GON4L: variants seen among roughly 807,000 people sequenced by gnomAD.
GON4L encodes the protein gon-4 like, also known as GON-4-like protein.
A neutral mutation model predicts 211.8 loss-of-function variants in GON4L; 87 were observed. That is an observed-to-expected ratio of 0.41 (90% CI 0.35 to 0.49). GON4L has a LOEUF of 0.49. Ranked by LOEUF, GON4L falls within the 20% of genes least tolerant of loss-of-function variation. The pLI, the probability that GON4L is intolerant of heterozygous loss-of-function variation, is 0.15. For missense variants in GON4L, 2,155 were observed against 2,659.5 expected (o/e 0.81, Z 4.17); for synonymous variants, 875 against 962.6 (o/e 0.91, Z 1.68).
intron 2 of GON4L, among the ~76,000 whole-genome samples, chr1:155,844,623 T>G (rs1452564025): frequency 3.3e-5 from 5 of 152,056 alleles, no homozygotes; most frequent in African/African-American, 9.7e-5. Flanking sequence ...TGGGTGTTGC[T>G]GGCAAACACA....
chr1:155,813,862 CA>C, intron 9 of GON4L, 58 bp from the exon 10 acceptor site: 2 of 1,447,780 alleles, frequency 1.4e-6, no homozygotes. Context: ...AAAGAGAAAG[CA>C]AAAAAAGGAA....
intron 2 of GON4L, among the ~76,000 whole-genome samples, chr1:155,852,561 G>A (rs923498506): frequency 1.3e-5 from 2 of 151,936 alleles, no homozygotes; most frequent in African/African-American, 4.8e-5. Flanking sequence ...CTAACACAGT[G>A]AAACCCCGCC....
chr1:155,838,994 T>C (rs1285997597), intron 2 of GON4L, among the ~76,000 whole-genome samples: 1 of 152,010 alleles, frequency 6.6e-6, no homozygotes, highest in Non-Finnish European at 1.5e-5. Context: ...TTCTCATCTA[T>C]AAAATGCTAA....
chr1:155,838,661 T>G (rs1194751292), intron 2 of GON4L, among the ~76,000 whole-genome samples: 2 of 151,790 alleles, frequency 1.3e-5, no homozygotes, highest in African/African-American at 4.8e-5. Flanking sequence ...TCCCAGCTAC[T>G]TGGGAGGCTG....
chr1:155,836,470 G>C (rs192768446), intron 2 of GON4L, among the ~76,000 whole-genome samples: 1 of 152,230 alleles, frequency 6.6e-6, no homozygotes, highest in African/African-American at 2.4e-5. Flanking sequence ...GGTTGGTCTT[G>C]AACTCCTGAC....
Position 155,756,973 on chromosome 1 carries a change from G to C in GON4L, c.5502C>G (p.Val1834=). ...SKNKRKKEIG[V]QNHDKETEWP... The stretch of plus-strand genomic sequence containing the variant: ...AAGAAAATACCTTATCATGATTTTG[G>C]ACCCCGATCTCTTTTTTCCTCTTGT... Residue 1834 remains valine, a synonymous_variant, in exon 27 of 32, where the codon GTC becomes GTG. Transcript: ENST00000368331. 1 of 1,612,352 alleles carries C rather than the reference G, an allele frequency of 6.2e-7. No homozygotes were observed. The highest frequency in any genetic ancestry group is 1.1e-5 in the South Asian group (1 of 91,040).
At chr1:155,813,504 A>C in intron 10 of GON4L, 130 bp downstream of exon 10, 1 of 753,616 alleles carries the variant, frequency 1.3e-6, no homozygotes, top group South Asian at 1.5e-5. Flanking sequence ...CACTAGCCAA[A>C]TACAAAGTAT....
Position 155,853,325 on chromosome 1 carries a change from T to TA in GON4L, c.455dup (p.Glu154GlyfsTer8). On this transcript the variant is annotated frameshift_variant, in exon 2 of 32. Transcript: ENST00000368331. LOFTEE classifies it high-confidence loss of function. The stretch of plus-strand genomic sequence containing the variant: ...TAGGCTCTCCTGAAAAAGGCTCCTT[T>TA]AGGGTAAGATGATCACATCTGTCTT... 1 of 1,614,134 alleles carries TA rather than the reference T, an allele frequency of 6.2e-7. No individual in the cohort carries two copies. Among genetic ancestry groups the TA allele is most frequent in the Non-Finnish European group, 8.5e-7 (1 of 1,179,974 alleles).
rs750591385 is a variant in GON4L, at chr1:155,752,159, A to C, written c.6274T>G (p.Cys2092Gly). 6.8e-6 allele frequency: 11 copies of C among 1,612,436 alleles called. No homozygotes were observed. Among genetic ancestry groups the C allele is most frequent in the Non-Finnish European group, 9.3e-6 (11 of 1,178,624 alleles). Residue 2092 changes from cysteine (C) to glycine (G), a missense_variant, in exon 30 of 32, where the codon TGC becomes GGC. Coordinates refer to ENST00000368331, the MANE Select transcript of GON4L (RefSeq NM_001282860.2). ...RARVKTRDRTCPVHESPSGID... is the reference protein window; with the variant it reads ...RARVKTRDRTGPVHESPSGID... Reference sequence around the variant, plus strand: ...CCTGATGGAGATTCATGGACAGGGCACGTCCTGTCTCTTGTCTTCACCCGA... The same window carrying C: ...CCTGATGGAGATTCATGGACAGGGCCCGTCCTGTCTCTTGTCTTCACCCGA...
chr1:155,793,261 G>A (rs962593751), intron 12 of GON4L, among the ~76,000 whole-genome samples: 3 of 152,124 alleles, frequency 2.0e-5, no homozygotes, highest in African/African-American at 4.8e-5. Context: ...ATAAATGAAA[G>A]ATCTTCACAA....
chr1:155,856,412 T>C (rs1239233081), intron 1 of GON4L, among the ~76,000 whole-genome samples: 1 of 151,704 alleles, frequency 6.6e-6, no homozygotes. Context: ...TCTTTTTTTT[T>C]TTTTGTAGAG....
chr1:155,777,676 C>T lies in GON4L; in HGVS notation c.2037G>A (p.Gln679=). Residue 679 remains glutamine (Q), a synonymous_variant, in exon 15 of 32, where the codon CAG becomes CAA. Transcript: ENST00000368331. ...TCTGTGCTGGGTCCAGAATCAGAGT[C>T]TGATGAACTTTCTCACTCTGGGGTT... ...KVKPQSEKVH[Q]TLILDPAQRK... is the part of the protein sequence containing the mutation. The T allele has an allele frequency of 6.2e-7, 1 of 1,613,800 alleles. No individual in the cohort carries two copies.
chr1:155,849,577 C>T (rs1329066374), intron 2 of GON4L, among the ~76,000 whole-genome samples: 1 of 148,256 alleles, frequency 6.7e-6, no homozygotes, highest in Non-Finnish European at 1.5e-5. Context: ...AGTTCAAAAC[C>T]AGCCTGACCA....
chr1:155,858,266 T>C (rs1006829700), upstream of GON4L, among the ~76,000 whole-genome samples: 2 of 152,096 alleles, frequency 1.3e-5, no homozygotes, highest in Non-Finnish European at 2.9e-5. Flanking sequence ...ATTAAAAAAA[T>C]AATAAAAAAC....
At chr1:155,755,861 T>A (rs944458603) in intron 27 of GON4L, among the ~76,000 whole-genome samples, 5 of 151,864 alleles carry the variant, frequency 3.3e-5, no homozygotes, top group Non-Finnish European at 7.4e-5. Flanking sequence ...CATCCCAATT[T>A]ATGATGAAGA....
Position 155,755,399 on chromosome 1 carries a change from T to C in GON4L, c.5518-911A>G, listed in dbSNP as rs749519853. On this transcript the variant is annotated intron_variant, in intron 27 of 31. Transcript: ENST00000368331. The stretch of plus-strand genomic sequence containing the variant: ...CTAATTTTTGTATTTTTAGTAGAGA[T>C]AGGAATTCGCAATGTTACTCTGGCT... Among the ~76,000 whole-genome samples the C allele has an allele frequency of 9.9e-5, 15 of 152,062 alleles. No homozygotes were observed. In the East Asian group the frequency reaches 1.6e-3, roughly 16 times the overall value.
intron 12 of GON4L, among the ~76,000 whole-genome samples, chr1:155,794,390 G>A (rs1665888399): frequency 6.6e-6 from 1 of 152,116 alleles, no homozygotes; most frequent in Admixed American, 6.6e-5. Context: ...CATTTTGAGA[G>A]CTTAAAAATC....
intron 2 of GON4L, among the ~76,000 whole-genome samples, chr1:155,833,890 C>T (rs1306591847): frequency 2.0e-5 from 3 of 151,766 alleles, no homozygotes; most frequent in African/African-American, 7.3e-5. Context: ...TGCAGTGGTG[C>T]GATCAGAGCT....
At chr1:155,785,422 A>G (rs368908694) in intron 12 of GON4L, 48 bp from the exon 13 acceptor site, 184 of 1,219,118 alleles carry the variant, frequency 1.5e-4, no homozygotes, top group Non-Finnish European at 2.1e-4. Flanking sequence ...TAGATTTTAC[A>G]ATAAGGAGGA....
Sources: gnomAD v4.1 joint callset for allele counts (sites outside exome capture counted in the v4.1 genomes callset) on GRCh38, gnomAD v4.1.1 for gene constraint, MANE v1.5 for transcripts, NCBI Gene and HGNC (gene_info 2026-07-23, HGNC 2026-07-21) for gene names.